The following CAPZB variants were observed in gnomAD, a reference collection of about 807,000 sequenced individuals.
CAPZB encodes the protein F-actin-capping protein subunit beta.
Under a neutral mutation model 38.1 loss-of-function variants are expected in CAPZB, and 2 were observed. The observed-to-expected ratio is 0.05, with a 90% CI of 0.02 to 0.17. The LOEUF (loss-of-function observed/expected upper bound fraction) is 0.17. Ranked by LOEUF, CAPZB falls within the 10% of genes least tolerant of loss-of-function variation. The pLI is 1.00. For missense variants in CAPZB, 161 were observed against 334.2 expected (o/e 0.48, Z 4.04); for synonymous variants, 107 against 127.4 (o/e 0.84, Z 1.08).
intron 1 of CAPZB, among the ~76,000 whole-genome samples, chr1:19,482,366 C>G (rs1429837887): frequency 6.6e-6 from 1 of 152,226 alleles, no homozygotes; most frequent in Non-Finnish European, 1.5e-5. Flanking sequence ...TTAATGTCAA[C>G]TATGTTGTTT....
At chr1:19,449,987 A>T (rs2094509318) in intron 1 of CAPZB, among the ~76,000 whole-genome samples, 1 of 151,460 alleles carries the variant, frequency 6.6e-6, no homozygotes, top group South Asian at 2.1e-4. Flanking sequence ...ACAAATAATT[A>T]AAAAATTAGC....
At chr1:19,471,114 T>C (rs565388090) in intron 1 of CAPZB, among the ~76,000 whole-genome samples, 156 of 152,358 alleles carry the variant, frequency 1.0e-3, no homozygotes, top group African/African-American at 3.5e-3. Context: ...GGCACAGTTA[T>C]TATCAATAAC....
intron 8 of CAPZB, chr1:19,342,852 A>C (rs765034215): frequency 6.3e-7 from 1 of 1,599,432 alleles, no homozygotes; most frequent in Middle Eastern, 1.7e-4. Flanking sequence ...TGTCAGGGAT[A>C]GCATCAATAG....
chr1:19,426,063 C>T (rs545174810), intron 1 of CAPZB, among the ~76,000 whole-genome samples: 11 of 152,220 alleles, frequency 7.2e-5, no homozygotes, highest in African/African-American at 2.2e-4. Context: ...GAGCCAGGTG[C>T]GTGGAGGAGG....
At position 19,357,671 on chromosome 1, in the gene CAPZB, G is replaced by A. The variant is rs1042333968; in HGVS notation, c.330-108C>T. 3.2e-5 allele frequency: 34 copies of A among 1,051,896 alleles called. No homozygotes were observed. Among genetic ancestry groups the A allele is most frequent in the African/African-American group, 3.2e-4 (20 of 63,016 alleles). 65.2% of individuals were successfully genotyped at this position (1,051,896 alleles called of 1,614,324 possible). On this transcript the variant is annotated intron_variant, in intron 4 of 8. Coordinates refer to ENST00000264202, the MANE Select transcript of CAPZB (RefSeq NM_004930.5). This position sits in a 1 kb window ranked among gnomAD's most constrained non-coding sequence, Gnocchi z 4.3. The stretch of plus-strand genomic sequence containing the variant: ...TTCTGGGATTCAGGGCCCTCCCTGC[G>A]ACAGTTATGGGAGCCGATCCTTGGG...
At position 19,389,297 on chromosome 1, in the gene CAPZB, T is replaced by A. The variant is rs141979812; in HGVS notation, c.94-3671A>T. ...CCACTCCCTGAACATGCACGTGCATTCCCCCACTTAAACATCTTCCCCATT... is the reference window on the plus strand; with the variant it reads ...CCACTCCCTGAACATGCACGTGCATACCCCCACTTAAACATCTTCCCCATT... On this transcript the variant is annotated intron_variant, in intron 2 of 8. Transcript: ENST00000264202. Among the ~76,000 whole-genome samples the A allele has an allele frequency of 1.6e-3, 239 of 152,110 alleles. 1 individual carries two copies. Among genetic ancestry groups the A allele is most frequent in the African/African-American group, 5.6e-3 (234 of 41,470 alleles).
At position 19,357,483 on chromosome 1, in the gene CAPZB, G is replaced by A; in HGVS notation, c.410C>T (p.Ala137Val). 6.2e-7 allele frequency: 1 copy of A among 1,613,966 alleles called. No individual in the cohort carries two copies. Among genetic ancestry groups the A allele is most frequent in the Non-Finnish European group, 8.5e-7 (1 of 1,180,006 alleles). ...TTTGATCTTCTTTGATCCATCTCCAGCCTTCTTTATGAGGATCACTCCAGC... is the reference window on the plus strand; with the variant it reads ...TTTGATCTTCTTTGATCCATCTCCAACCTTCTTTATGAGGATCACTCCAGC... ...GFAGVILIKK[A>V]GDGSKKIKGC... The change falls in exon 5 of 9, where the codon GCT becomes GTT. Residue 137 changes from alanine to valine, a missense_variant. Coordinates refer to ENST00000264202, the MANE Select transcript of CAPZB (RefSeq NM_004930.5). The surrounding 1 kb of genome is among the most constrained non-coding windows in gnomAD (Gnocchi z 4.3).
rs892137739 is a variant in CAPZB, at chr1:19,363,238, T to C, written c.330-5675A>G. 3.4e-5 allele frequency among the ~76,000 whole-genome samples: 5 copies of C among 148,174 alleles called. No homozygotes were observed. The South Asian group carries it at 6.5e-4, about 19-fold the overall frequency. ...CTGGGACCACAGGCATGCACCACCA[T>C]GCATGGCTAATTAAAAAAAAAATTT... is the stretch of plus-strand genomic sequence containing the variant. On this transcript the variant is annotated intron_variant, in intron 4 of 8. Transcript: ENST00000264202.
intron 4 of CAPZB, among the ~76,000 whole-genome samples, chr1:19,371,416 A>G (rs1237834794): frequency 6.6e-6 from 1 of 152,222 alleles, no homozygotes; most frequent in Non-Finnish European, 1.5e-5. Context: ...GGCTGGACGC[A>G]AGGCGTGAGT....
intron 4 of CAPZB, among the ~76,000 whole-genome samples, chr1:19,358,564 T>A (rs2094034368): frequency 6.6e-6 from 1 of 152,162 alleles, no homozygotes; most frequent in South Asian, 2.1e-4. Context: ...CAGACCCAGG[T>A]CAACTACTGT....
At chr1:19,460,218 G>A (rs2100734666) in intron 1 of CAPZB, among the ~76,000 whole-genome samples, 1 of 152,358 alleles carries the variant, frequency 6.6e-6, no homozygotes, top group South Asian at 2.1e-4. Context: ...TAAGTGCTTA[G>A]TTAAGATGGA....
chr1:19,399,594 CTGGTCTCTGCAATGGA>C (rs1403656352), intron 2 of CAPZB, among the ~76,000 whole-genome samples: 2 of 152,182 alleles, frequency 1.3e-5, no homozygotes, highest in Non-Finnish European at 2.9e-5. Context: ...CCACAGCTCC[CTGGTCTCTGCAATGGA>C]TGGTTCTCTG....
chr1:19,359,939 G>C (rs2094043850), intron 4 of CAPZB, among the ~76,000 whole-genome samples: 1 of 152,226 alleles, frequency 6.6e-6, no homozygotes, highest in Admixed American at 6.5e-5. Context: ...GGCGAGGTAA[G>C]CAGATGAGTG....
intron 6 of CAPZB, among the ~76,000 whole-genome samples, chr1:19,347,490 C>A (rs1027488312): frequency 6.6e-6 from 1 of 152,178 alleles, no homozygotes; most frequent in Non-Finnish European, 1.5e-5. Flanking sequence ...CACAGCCCCC[C>A]ACCCACTCCC....
At chr1:19,390,172 G>A (rs940610961) in intron 2 of CAPZB, among the ~76,000 whole-genome samples, 12 of 152,140 alleles carry the variant, frequency 7.9e-5, no homozygotes, top group Non-Finnish European at 1.6e-4. Flanking sequence ...CCCGGCCCCC[G>A]CCCCCTACTC....
chr1:19,460,824 C>T (rs1474973324), intron 1 of CAPZB, among the ~76,000 whole-genome samples: 2 of 151,924 alleles, frequency 1.3e-5, no homozygotes, highest in African/African-American at 4.8e-5. Flanking sequence ...AGCCAGGGAC[C>T]CCAGCTCAAC....
chr1:19,476,742 T>C (rs901661877), intron 1 of CAPZB, among the ~76,000 whole-genome samples: 11 of 152,232 alleles, frequency 7.2e-5, no homozygotes, highest in African/African-American at 2.4e-4. Flanking sequence ...GGAAAACAGA[T>C]TGCAGTTCAC....
chr1:19,485,297 C>T (rs2094647353), intron 1 of CAPZB, 139 bp downstream of exon 1: 2 of 520,782 alleles, frequency 3.8e-6, no homozygotes, highest in African/African-American at 3.9e-5. Context: ...GGGGAGGGAC[C>T]GGGTCCACCC....
rs551065261 is a variant in CAPZB, at chr1:19,347,881, T to C, written c.589-2629A>G. ...ACAGCACTGTTAGATTCCGACGCCT[T>C]TGCTCCTCCTACTTCACCACGCCAG... On this transcript the variant is annotated intron_variant, in intron 6 of 8. Transcript: ENST00000264202. 7.2e-5 allele frequency among the ~76,000 whole-genome samples: 11 copies of C among 152,292 alleles called. 1 individual carries two copies. The highest frequency in any genetic ancestry group is 2.6e-4 in the African/African-American group (11 of 41,558).
Sources: gnomAD v4.1 joint callset for allele counts (sites outside exome capture counted in the v4.1 genomes callset) on GRCh38, gnomAD v4.1.1 for gene constraint, Gnocchi (gnomAD v3.1) non-coding constraint, MANE v1.5 for transcripts, NCBI Gene and HGNC (gene_info 2026-07-23, HGNC 2026-07-21) for gene names.